CCDC171: variants seen among roughly 807,000 people sequenced by gnomAD.
The protein encoded by CCDC171 is coiled-coil domain containing 171.
In CCDC171, 177 loss-of-function variants were observed where a neutral mutation model predicts 168.2. The ratio of observed to expected loss-of-function variants is 1.05; its 90% CI spans 0.93 to 1.19. The LOEUF is 1.19. CCDC171 is among the 50% of genes most tolerant of loss of function. CCDC171 has a pLI of 0.00. For synonymous variants in CCDC171, 687 were observed against 540.8 expected, an observed-to-expected ratio of 1.27 and a Z score of -3.75; for missense variants, 1,991 against 1,539.0, an observed-to-expected ratio of 1.29 and a Z score of -4.91.
intron 25 of CCDC171, among the ~76,000 whole-genome samples, chr9:15,957,186 C>T (rs539425422): frequency 2.0e-5 from 3 of 151,968 alleles, no homozygotes; most frequent in Non-Finnish European, 4.4e-5. Context: ...GTGAGCAGTT[C>T]GAGGGCAGGC....
chr9:15,645,567 T>A (rs1056104392), intron 7 of CCDC171, among the ~76,000 whole-genome samples: 1 of 152,248 alleles, frequency 6.6e-6, no homozygotes, highest in South Asian at 2.1e-4. Context: ...CTGACTGAGC[T>A]GAAAACCATG....
intron 21 of CCDC171, among the ~76,000 whole-genome samples, chr9:15,787,641 C>T (rs2058038253): frequency 6.6e-6 from 1 of 152,054 alleles, no homozygotes; most frequent in Non-Finnish European, 1.5e-5. Context: ...AGGATGAATT[C>T]CTAGATGAGG....
At chr9:15,571,590 A>G (rs2040225902) in intron 2 of CCDC171, 34 bp from the exon 3 acceptor site, 2 of 1,464,882 alleles carry the variant, frequency 1.4e-6, no homozygotes, top group Non-Finnish European at 1.8e-6. Context: ...CTTTATGAGA[A>G]GCATATACAT....
chr9:15,808,916 G>T (rs540718920), intron 21 of CCDC171, among the ~76,000 whole-genome samples: 2 of 152,308 alleles, frequency 1.3e-5, no homozygotes, highest in East Asian at 3.9e-4. Context: ...AGTAGATTTG[G>T]TGTCTGGTGA....
At chr9:15,901,581 C>T (rs930640659) in intron 24 of CCDC171, among the ~76,000 whole-genome samples, 2 of 152,056 alleles carry the variant, frequency 1.3e-5, no homozygotes, top group African/African-American at 4.8e-5. Context: ...TTTATTTTAA[C>T]TCACTTTGTT....
chr9:15,745,410 A>G (rs2055197565), intron 17 of CCDC171, 105 bp from the exon 18 acceptor site: 2 of 587,756 alleles, frequency 3.4e-6, no homozygotes, highest in Admixed American at 3.1e-5. Flanking sequence ...TGTTCACAAT[A>G]GGGTTTTATC....
At chr9:16,046,451 G>A (rs539036762) in intron 1 of CCDC171, among the ~76,000 whole-genome samples, 1 of 152,252 alleles carries the variant, frequency 6.6e-6, no homozygotes, top group South Asian at 2.1e-4. Context: ...AAAAGCTCTG[G>A]CAAAAGTTCT....
the CCDC171 span, among the ~76,000 whole-genome samples, chr9:16,097,834 C>T: frequency 6.6e-5 from 10 of 152,114 alleles, no homozygotes; most frequent in African/African-American, 2.4e-4. Flanking sequence ...CATCATTGAA[C>T]TTCAAATGTT....
chr9:15,642,343 G>GTGTGTATATATATATATATA (rs1369419679), intron 7 of CCDC171, among the ~76,000 whole-genome samples: 1 of 107,570 alleles, frequency 9.3e-6, no homozygotes, highest in African/African-American at 5.0e-5. Context: ...GTGTGTGTGT[G>GTGTGTATATATATATATATA]TATATATATA....
chr9:15,907,050 A>G (rs1822769505), intron 24 of CCDC171, among the ~76,000 whole-genome samples: 1 of 152,226 alleles, frequency 6.6e-6, no homozygotes, highest in Non-Finnish European at 1.5e-5. Flanking sequence ...ATGGGTAGGA[A>G]GAATCAATAT....
intron 16 of CCDC171, among the ~76,000 whole-genome samples, chr9:15,739,350 G>A (rs2054698533): frequency 6.6e-6 from 1 of 152,206 alleles, no homozygotes; most frequent in South Asian, 2.1e-4. Flanking sequence ...TGTTCATCAG[G>A]TTGAGGACAG....
rs1454616525 is a variant in CCDC171, at chr9:15,897,405, A to C, written c.3600+22742A>C. Among the ~76,000 whole-genome samples the C allele has an allele frequency of 3.3e-5, 5 of 152,206 alleles. No individual in the cohort carries two copies. In the East Asian group the frequency reaches 9.7e-4, roughly 29 times the overall value. On this transcript the variant is annotated intron_variant, in intron 24 of 25. Transcript: ENST00000380701. Reference sequence around the variant, plus strand: ...AATTATGTATGTTTTTAGCATCAAAAGATGTTTTGATGGAAGTGTGGAAGT... The same window carrying C: ...AATTATGTATGTTTTTAGCATCAAACGATGTTTTGATGGAAGTGTGGAAGT...
intron 10 of CCDC171, among the ~76,000 whole-genome samples, chr9:15,682,700 A>T (rs1290653361): frequency 6.6e-6 from 1 of 151,960 alleles, no homozygotes; most frequent in Non-Finnish European, 1.5e-5. Context: ...TTGAATTAGT[A>T]GGTTTTCAAC....
At chr9:15,812,232 A>T (rs1210883057) in intron 21 of CCDC171, among the ~76,000 whole-genome samples, 1 of 152,232 alleles carries the variant, frequency 6.6e-6, no homozygotes, top group Non-Finnish European at 1.5e-5. Context: ...TTTCTTATTC[A>T]AACCTGTTAT....
intron 7 of CCDC171, among the ~76,000 whole-genome samples, chr9:15,628,793 A>G (rs934989353): frequency 2.6e-5 from 4 of 152,182 alleles, no homozygotes; most frequent in Non-Finnish European, 5.9e-5. Flanking sequence ...GTAGAGGCAG[A>G]CTGACACCTC....
intron 23 of CCDC171, among the ~76,000 whole-genome samples, chr9:15,871,928 A>G (rs2062056255): frequency 6.6e-6 from 1 of 152,020 alleles, no homozygotes; most frequent in Admixed American, 6.6e-5. Context: ...AAATAAAATT[A>G]TGGATAATTC....
chr9:15,777,932 A>G, intron 19 of CCDC171, 106 bp downstream of exon 19: 1 of 695,922 alleles, frequency 1.4e-6, no homozygotes, highest in Non-Finnish European at 2.2e-6. Context: ...ATGTATCTGG[A>G]TTTTCTTTAT....
chr9:15,938,441 A>G (rs971465920), intron 25 of CCDC171, among the ~76,000 whole-genome samples: 7 of 151,788 alleles, frequency 4.6e-5, no homozygotes, highest in African/African-American at 1.7e-4. Flanking sequence ...AAAAAATCCT[A>G]ATTTTTTTTT....
chr9:15,714,288 C>A (rs1203130908), intron 11 of CCDC171, among the ~76,000 whole-genome samples: 1 of 152,072 alleles, frequency 6.6e-6, no homozygotes, highest in Non-Finnish European at 1.5e-5. Flanking sequence ...TTGGCTTTTC[C>A]ACTTGATTTT....
Sources: allele counts gnomAD v4.1 joint callset (sites outside exome capture counted in the v4.1 genomes callset), GRCh38; gene constraint gnomAD v4.1.1; transcripts MANE v1.5; gene names NCBI Gene and HGNC (gene_info 2026-07-23, HGNC 2026-07-21).